Variants in SYNPO2 observed in about 807,000 individuals in gnomAD.
The protein encoded by SYNPO2 is synaptopodin-2.
Under a neutral mutation model 85.0 loss-of-function variants are expected in SYNPO2, and 56 were observed. The ratio of observed to expected loss-of-function variants is 0.66; its 90% CI spans 0.53 to 0.82. The LOEUF is 0.82. SYNPO2 is among the 40% of genes least tolerant of loss of function. SYNPO2 has a pLI of 0.00. For missense variants in SYNPO2, 1,575 were observed against 1,534.2 expected (o/e 1.03, Z -0.44); for synonymous variants, 602 against 591.1 (o/e 1.02, Z -0.27).
chr4:118,873,957 TTTATTAAAAAGAGTGTCCTTTTCC>T (rs1181951581), intron 1 of SYNPO2, among the ~76,000 whole-genome samples: 1 of 118,184 alleles, frequency 8.5e-6, no homozygotes, highest in African/African-American at 3.0e-5. Context: ...CCCACCGGCA[TTTATTAAAAAGAGTGTCCTTTTCC>T]CCAGTGTATG....
intron 1 of SYNPO2, among the ~76,000 whole-genome samples, chr4:118,977,767 C>A (rs1488572240): frequency 6.6e-6 from 1 of 152,198 alleles, no homozygotes; most frequent in African/African-American, 2.4e-5. Context: ...ATTATGTAGG[C>A]CTTCTTTGAA....
At chr4:119,017,763 A>G (rs970217921) in intron 1 of SYNPO2, among the ~76,000 whole-genome samples, 1 of 152,048 alleles carries the variant, frequency 6.6e-6, no homozygotes, top group Non-Finnish European at 1.5e-5. Flanking sequence ...TCTATCACCC[A>G]CTCTGACATT....
chr4:118,905,393 A>G (rs933990139), intron 1 of SYNPO2, among the ~76,000 whole-genome samples: 1 of 151,944 alleles, frequency 6.6e-6, no homozygotes, highest in Non-Finnish European at 1.5e-5. Context: ...TGAACCTAAT[A>G]TCGCCTTACC....
At chr4:119,052,602 GAGA>G (rs1441704742) in intron 4 of SYNPO2, among the ~76,000 whole-genome samples, 4 of 152,192 alleles carry the variant, frequency 2.6e-5, no homozygotes, top group Admixed American at 6.5e-5. Context: ...AGCGACCTGA[GAGA>G]AGAAGTGGAA....
chr4:119,048,355 T>G (rs1012500204), intron 4 of SYNPO2, among the ~76,000 whole-genome samples: 7 of 152,224 alleles, frequency 4.6e-5, no homozygotes, highest in Non-Finnish European at 1.0e-4. Context: ...ATGTAGAAAT[T>G]ATCATTCATT....
At chr4:119,048,200 A>G (rs1172063886) in intron 4 of SYNPO2, among the ~76,000 whole-genome samples, 1 of 152,094 alleles carries the variant, frequency 6.6e-6, no homozygotes, top group Admixed American at 6.6e-5. Flanking sequence ...TGGGGTGCAT[A>G]TTGGTTTGCA....
At chr4:118,983,659 T>G (rs2149164189) in intron 1 of SYNPO2, among the ~76,000 whole-genome samples, 1 of 152,306 alleles carries the variant, frequency 6.6e-6, no homozygotes, top group East Asian at 1.9e-4. Flanking sequence ...TCCTCCTTGA[T>G]ATAAGAATTT....
intron 4 of SYNPO2, among the ~76,000 whole-genome samples, chr4:119,050,170 A>G (rs1220187195): frequency 6.6e-6 from 1 of 152,080 alleles, no homozygotes. Flanking sequence ...CATCTCTACT[A>G]AAAGTACAAA....
At chr4:118,880,942 G>A (rs1420322888) in intron 1 of SYNPO2, among the ~76,000 whole-genome samples, 1 of 152,062 alleles carries the variant, frequency 6.6e-6, no homozygotes, top group African/African-American at 2.4e-5. Context: ...GATCTTTAAA[G>A]AGATAATTAA....
intron 4 of SYNPO2, among the ~76,000 whole-genome samples, chr4:119,039,905 CAAG>C: frequency 6.6e-6 from 1 of 152,132 alleles, no homozygotes; most frequent in East Asian, 1.9e-4. Flanking sequence ...CTTGAGCCCA[CAAG>C]AAGTACATTG....
intron 1 of SYNPO2, among the ~76,000 whole-genome samples, chr4:118,965,359 C>T (rs1370828241): frequency 2.6e-5 from 4 of 152,118 alleles, no homozygotes; most frequent in Non-Finnish European, 5.9e-5. Flanking sequence ...TCTTCTCATC[C>T]ATCTCCCGGT....
chr4:118,925,935 G>A (rs2149130562), intron 1 of SYNPO2, among the ~76,000 whole-genome samples: 1 of 152,206 alleles, frequency 6.6e-6, no homozygotes, highest in Non-Finnish European at 1.5e-5. Flanking sequence ...CGTCTAAGAA[G>A]TACCATGATT....
chr4:119,036,154 C>T, intron 4 of SYNPO2: 1 of 985,300 alleles, frequency 1.0e-6, no homozygotes, highest in Non-Finnish European at 1.2e-6. Context: ...CACAACTGGC[C>T]CAGCAGGCAG....
chr4:118,931,213 GA>G (rs1362814905), intron 1 of SYNPO2, among the ~76,000 whole-genome samples: 1 of 151,838 alleles, frequency 6.6e-6, no homozygotes, highest in East Asian at 1.9e-4. Flanking sequence ...AGAAATTAAG[GA>G]TTCATAAGTA....
chr4:118,906,120 T>C (rs907006365), intron 1 of SYNPO2, among the ~76,000 whole-genome samples: 2 of 152,108 alleles, frequency 1.3e-5, no homozygotes, highest in African/African-American at 4.8e-5. Flanking sequence ...TGTTGAAAGG[T>C]TGTTGAATAA....
intron 4 of SYNPO2, among the ~76,000 whole-genome samples, chr4:119,051,315 G>A (rs71613827): frequency 0.29 from 39,571 of 137,086 alleles, 6,143 homozygotes; most frequent in East Asian, 0.55. Flanking sequence ...TCAGCCTCCC[G>A]AGTAGCTGGG....
intron 4 of SYNPO2, chr4:119,033,778 A>T: frequency 1.0e-6 from 1 of 984,714 alleles, no homozygotes; most frequent in Non-Finnish European, 1.2e-6. Context: ...TGTATGAGCT[A>T]TTCTGATCTA....
intron 1 of SYNPO2, among the ~76,000 whole-genome samples, chr4:119,003,684 C>A (rs1736906424): frequency 6.6e-6 from 1 of 152,086 alleles, no homozygotes; most frequent in African/African-American, 2.4e-5. Flanking sequence ...TTGCATTCTG[C>A]CTTTTTAGTA....
intron 1 of SYNPO2, among the ~76,000 whole-genome samples, chr4:118,954,760 T>A (rs927940362): frequency 6.6e-6 from 1 of 152,170 alleles, no homozygotes; most frequent in Non-Finnish European, 1.5e-5. Flanking sequence ...TACAAGGGAG[T>A]CTGTGAGGGA....
Sources: allele counts gnomAD v4.1 joint callset (sites outside exome capture counted in the v4.1 genomes callset), GRCh38; gene constraint gnomAD v4.1.1; transcripts MANE v1.5; gene names NCBI Gene and HGNC (gene_info 2026-07-23, HGNC 2026-07-21).